The following DLEU7 variants were observed in gnomAD, a reference collection of about 807,000 sequenced individuals.
The protein encoded by DLEU7 is deleted in lymphocytic leukemia 7.
In DLEU7, 17 loss-of-function variants were observed where a neutral mutation model predicts 16.0. That is an observed-to-expected ratio of 1.06 (90% confidence interval 0.73 to 1.59). DLEU7 has a LOEUF of 1.59. DLEU7 is among the 40% of genes most tolerant of loss of function. The pLI, the probability that DLEU7 is intolerant of heterozygous loss-of-function variation, is 0.00. For synonymous variants in DLEU7, 113 were observed against 139.8 expected, an observed-to-expected ratio of 0.81 and a Z score of 1.35; for missense variants, 308 against 314.9, an observed-to-expected ratio of 0.98 and a Z score of 0.17.
At chr13:50,753,736 T>G (rs2706232) in intron 1 of DLEU7, among the ~76,000 whole-genome samples, 71,544 of 151,992 alleles carry the variant, frequency 0.47, 17,818 homozygotes, top group African/African-American at 0.62. Flanking sequence ...GCCTTGACCA[T>G]CCCAGAAAGG....
At chr13:50,721,937 T>C (rs1221871308) in intron 1 of DLEU7, among the ~76,000 whole-genome samples, 1 of 152,224 alleles carries the variant, frequency 6.6e-6, no homozygotes, top group African/African-American at 2.4e-5. Flanking sequence ...TCAGCATTTT[T>C]TTTTCATTCA....
chr13:50,711,197 T>A (rs1183811712), downstream of DLEU7: 1 of 152,154 alleles, frequency 6.6e-6, no homozygotes, highest in Non-Finnish European at 1.5e-5. Flanking sequence ...AATATAACAA[T>A]GAAAATGTGA....
At chr13:50,797,495 G>T (rs1047166898) in intron 1 of DLEU7, among the ~76,000 whole-genome samples, 1 of 152,100 alleles carries the variant, frequency 6.6e-6, no homozygotes, top group Admixed American at 6.5e-5. Flanking sequence ...TTTTAAAGAA[G>T]AATCAAAAAC....
chr13:50,721,659 G>A (rs570432753), intron 1 of DLEU7, among the ~76,000 whole-genome samples: 1 of 152,196 alleles, frequency 6.6e-6, no homozygotes, highest in Non-Finnish European at 1.5e-5. Context: ...TTTGAAAGAT[G>A]GAGAACAGGT....
chr13:50,767,669 G>A (rs1875163068), intron 1 of DLEU7, among the ~76,000 whole-genome samples: 1 of 152,094 alleles, frequency 6.6e-6, no homozygotes, highest in Non-Finnish European at 1.5e-5. Flanking sequence ...CAGAATTCAA[G>A]GCATCACCAA....
rs1218432873 is a variant in DLEU7 at position 50,843,340 on chromosome 13, A to C, written c.307T>G (p.Phe103Val). Reference sequence around the variant, plus strand: ...GTGCAGGGCCCGCGGTCCCGGGGGAAGGGCAGCAACTCGGCGCCCCCCTCA... The same window carrying C: ...GTGCAGGGCCCGCGGTCCCGGGGGACGGGCAGCAACTCGGCGCCCCCCTCA... ...GAEGGAELLP[F>V]PRDRGPCTLA... is the part of the protein sequence containing the mutation. Residue 103 changes from phenylalanine (F) to valine (V), a missense_variant, in exon 1 of 2, where the codon TTC (phenylalanine) becomes GTC (valine). Coordinates refer to ENST00000504404, the MANE Select transcript of DLEU7 (RefSeq NM_001306135.2). This position sits in a 1 kb window ranked among gnomAD's most constrained non-coding sequence, Gnocchi z 5.7. 8 of 1,473,206 alleles carry C rather than the reference A, an allele frequency of 5.4e-6. No individual in the cohort carries two copies. The highest frequency in any genetic ancestry group is 7.2e-6 in the Non-Finnish European group (8 of 1,113,532). 91.3% of individuals were successfully genotyped at this position (1,473,206 alleles called of 1,614,324 possible).
intron 1 of DLEU7, among the ~76,000 whole-genome samples, chr13:50,765,319 A>G (rs1031772225): frequency 2.0e-5 from 3 of 152,202 alleles, no homozygotes; most frequent in Non-Finnish European, 4.4e-5. Flanking sequence ...CCTTCACATT[A>G]ATAAGATGTT....
At chr13:50,801,827 T>C (rs1193792515) in intron 1 of DLEU7, among the ~76,000 whole-genome samples, 2 of 152,142 alleles carry the variant, frequency 1.3e-5, no homozygotes, top group African/African-American at 4.8e-5. Context: ...GTAGTGTTAT[T>C]AATGACTATT....
intron 1 of DLEU7, among the ~76,000 whole-genome samples, chr13:50,771,627 G>A (rs1034371616): frequency 5.9e-5 from 9 of 152,236 alleles, no homozygotes; most frequent in African/African-American, 2.2e-4. Flanking sequence ...TGGTCTGAGA[G>A]ACAGTTTGTT....
rs1876974019 is a variant in DLEU7, at chr13:50,823,354, G to A, written c.626C>T (p.Ala209Val). 36 of 1,535,702 alleles carry A rather than the reference G, an allele frequency of 2.3e-5. No homozygotes were observed. Among genetic ancestry groups the A allele is most frequent in the Non-Finnish European group, 3.1e-5 (35 of 1,146,668 alleles). Reference protein sequence around the residue: ...FPSDAHMVACASLRQILQNLP... With the variant: ...FPSDAHMVACVSLRQILQNLP... ...ATTCTGTAAGATCTGTCTCAAGGAA[G>A]CACAGGCTACCATGTGGGCATCTGA... Residue 209 changes from alanine to valine, a missense_variant, in exon 2 of 2, where the codon GCT becomes GTT. Coordinates refer to ENST00000504404, the MANE Select transcript of DLEU7 (RefSeq NM_001306135.2).
At chr13:50,782,374 A>G (rs932414280) in intron 1 of DLEU7, among the ~76,000 whole-genome samples, 1 of 152,100 alleles carries the variant, frequency 6.6e-6, no homozygotes, top group Non-Finnish European at 1.5e-5. Flanking sequence ...ATCCTCCAAT[A>G]TAGCTCTTTT....
At chr13:50,729,241 C>T (rs947335908) in intron 1 of DLEU7, among the ~76,000 whole-genome samples, 2 of 152,114 alleles carry the variant, frequency 1.3e-5, no homozygotes, top group African/African-American at 4.8e-5. Flanking sequence ...TCTATGTGTA[C>T]TCAAGTGCTT....
chr13:50,843,810 C>T, upstream of DLEU7: 2 of 936,430 alleles, frequency 2.1e-6, no homozygotes, highest in Non-Finnish European at 3.0e-6. This position sits in a 1 kb window ranked among gnomAD's most constrained non-coding sequence, Gnocchi z 5.7. Flanking sequence ...GAATCGGTGA[C>T]CCGTGCTGGC....
At chr13:50,805,962 A>G (rs1316127235) in intron 1 of DLEU7, among the ~76,000 whole-genome samples, 1 of 152,150 alleles carries the variant, frequency 6.6e-6, no homozygotes, top group Non-Finnish European at 1.5e-5. Context: ...ATTCTAAAAT[A>G]TTTACTATTT....
In DLEU7 at chr13:50,843,543, A is replaced by C; in HGVS notation, c.104T>G (p.Val35Gly). The C allele has an allele frequency of 6.9e-7, 1 of 1,455,538 alleles. No individual in the cohort carries two copies. The highest frequency in any genetic ancestry group is 1.3e-5 in the South Asian group (1 of 74,628). The allele number at this position is 1,455,538 out of a possible 1,614,324, so 90.2% of individuals were successfully genotyped here. A position where few individuals can be genotyped will look rare whatever the true frequency, so the allele number is the denominator to read the frequency against. The change falls in exon 1 of 2, where the codon GTC (valine) becomes GGC (glycine). Residue 35 changes from valine to glycine, a missense_variant. Physicochemically the swap from Val to Gly is moderately radical, Grantham distance 109. Coordinates refer to ENST00000504404, the MANE Select transcript of DLEU7 (RefSeq NM_001306135.2). This position sits in a 1 kb window ranked among gnomAD's most constrained non-coding sequence, Gnocchi z 5.7. ...TGGGTCCCGCGGGTTCCCGGGGGCG[A>C]CTGGACCGTCCCCCCAGCCCCACTC... Reference protein sequence around the residue: ...QQEWGWGDGPVAPGNPRDPDH... With the variant: ...QQEWGWGDGPGAPGNPRDPDH...
intron 1 of DLEU7, among the ~76,000 whole-genome samples, chr13:50,751,806 A>T (rs1488610468): frequency 6.6e-6 from 1 of 152,148 alleles, no homozygotes; most frequent in Non-Finnish European, 1.5e-5. Context: ...TACTGAGGTT[A>T]TGTGGATTTT....
intron 1 of DLEU7, among the ~76,000 whole-genome samples, chr13:50,781,315 C>T (rs764022195): frequency 3.9e-5 from 6 of 152,194 alleles, no homozygotes; most frequent in Non-Finnish European, 8.8e-5. Context: ...AATAGCGAAG[C>T]ACATTTGACC....
chr13:50,735,883 A>T (rs982577104), intron 1 of DLEU7, among the ~76,000 whole-genome samples: 1 of 152,154 alleles, frequency 6.6e-6, no homozygotes, highest in African/African-American at 2.4e-5. Flanking sequence ...GCAGAGAAAA[A>T]GGAATGCTTC....
chr13:50,810,132 T>C (rs997959793), intron 1 of DLEU7, among the ~76,000 whole-genome samples: 1 of 147,386 alleles, frequency 6.8e-6, no homozygotes, highest in East Asian at 2.0e-4. Flanking sequence ...GAAACTATAG[T>C]GATGAGTCCT....
Sources: gnomAD v4.1 joint callset for allele counts (sites outside exome capture counted in the v4.1 genomes callset) on GRCh38, gnomAD v4.1.1 for gene constraint, Gnocchi (gnomAD v3.1) non-coding constraint, MANE v1.5 for transcripts, NCBI Gene and HGNC (gene_info 2026-07-23, HGNC 2026-07-21) for gene names.